The following NBEA variants were observed in gnomAD, a reference collection of about 807,000 sequenced individuals.
NBEA encodes the protein lysosomal-trafficking regulator 2.
A neutral mutation model predicts 343.4 loss-of-function variants in NBEA; 44 were observed. The observed-to-expected ratio is 0.13, with a 90% confidence interval of 0.10 to 0.16. NBEA has a LOEUF of 0.16. Ranked by LOEUF, NBEA falls within the 10% of genes least tolerant of loss-of-function variation. The probability of loss-of-function intolerance (pLI) is 1.00; values close to 1 mark genes in which losing one functional copy is unlikely to be tolerated. For missense variants in NBEA, 2,555 were observed against 3,631.3 expected, an observed-to-expected ratio of 0.70 and a Z score of 7.62; for synonymous variants, 1,175 against 1,238.7, an observed-to-expected ratio of 0.95 and a Z score of 1.08.
chr13:35,320,489 T>C (rs1053563494), intron 36 of NBEA, among the ~76,000 whole-genome samples: 1 of 152,244 alleles, frequency 6.6e-6, no homozygotes, highest in African/African-American at 2.4e-5. Context: ...GGGGTTCCCC[T>C]TGGGGTAACC....
chr13:35,023,680 A>G (rs749841875), intron 1 of NBEA, among the ~76,000 whole-genome samples: 6 of 152,194 alleles, frequency 3.9e-5, no homozygotes, highest in Non-Finnish European at 8.8e-5. Context: ...GTGAGTAAAA[A>G]CAAGGAAATA....
intron 35 of NBEA, among the ~76,000 whole-genome samples, chr13:35,299,666 C>T (rs866556056): frequency 8.5e-5 from 13 of 152,112 alleles, no homozygotes; most frequent in Middle Eastern, 3.4e-3. Context: ...AAGTATTGTC[C>T]CCATGAAAAT....
chr13:35,245,514 A>C (rs1030712261), intron 34 of NBEA, among the ~76,000 whole-genome samples: 19 of 152,272 alleles, frequency 1.2e-4, no homozygotes, highest in African/African-American at 4.3e-4. Flanking sequence ...TGTTTGTCTG[A>C]AAAAGAGTGT....
intron 45 of NBEA, among the ~76,000 whole-genome samples, chr13:35,573,034 T>A (rs764048017): frequency 2.0e-5 from 3 of 152,162 alleles, no homozygotes; most frequent in Non-Finnish European, 4.4e-5. Context: ...TATAATTATA[T>A]ACCATCTGCC....
At chr13:35,668,250 G>A (rs2085448663) in intron 57 of NBEA, 118 bp from the exon 58 acceptor site, 2 of 939,890 alleles carry the variant, frequency 2.1e-6, no homozygotes, top group Non-Finnish European at 1.6e-6. Flanking sequence ...TAAGGGAACT[G>A]TACTGAGTAC....
At chr13:35,193,208 A>G (rs994613828) in intron 30 of NBEA, among the ~76,000 whole-genome samples, 5 of 151,946 alleles carry the variant, frequency 3.3e-5, no homozygotes, top group Non-Finnish European at 5.9e-5. Flanking sequence ...ATACAAATGT[A>G]TGTTAAAATA....
intron 27 of NBEA, among the ~76,000 whole-genome samples, chr13:35,175,928 TA>T (rs775752930): frequency 7.8e-4 from 119 of 152,210 alleles, no homozygotes; most frequent in African/African-American, 2.6e-3. Flanking sequence ...CAAATTAGAT[TA>T]GGGGTAGAGA....
intron 44 of NBEA, among the ~76,000 whole-genome samples, chr13:35,564,863 T>A (rs188109911): frequency 6.6e-6 from 1 of 152,366 alleles, no homozygotes; most frequent in Admixed American, 6.5e-5. Flanking sequence ...GACTTATATT[T>A]GTTCATCTTC....
intron 41 of NBEA, among the ~76,000 whole-genome samples, chr13:35,488,441 C>G (rs117439139): frequency 1.3e-5 from 2 of 151,762 alleles, no homozygotes; most frequent in Admixed American, 1.3e-4. Flanking sequence ...AAAGTATATA[C>G]TTTATGTATT....
At chr13:34,951,772 C>G (rs978853002) in intron 1 of NBEA, among the ~76,000 whole-genome samples, 2 of 152,180 alleles carry the variant, frequency 1.3e-5, no homozygotes, top group African/African-American at 4.8e-5. Context: ...CTGACTTTCA[C>G]ATGTTGATGT....
chr13:35,370,968 G>A (rs1289759753), intron 38 of NBEA, among the ~76,000 whole-genome samples: 2 of 151,918 alleles, frequency 1.3e-5, no homozygotes. Flanking sequence ...TGTTCATGCT[G>A]AGAAATCCCT....
intron 36 of NBEA, among the ~76,000 whole-genome samples, chr13:35,348,558 A>C (rs2040007729): frequency 6.6e-6 from 1 of 152,102 alleles, no homozygotes; most frequent in Admixed American, 6.6e-5. Flanking sequence ...TCCATATTAG[A>C]ATTTGGAATC....
At chr13:34,998,018 C>G (rs1449963208) in intron 1 of NBEA, among the ~76,000 whole-genome samples, 1 of 152,032 alleles carries the variant, frequency 6.6e-6, no homozygotes, top group Non-Finnish European at 1.5e-5. Context: ...GCAAAATTCA[C>G]CCCCGATATT....
intron 1 of NBEA, among the ~76,000 whole-genome samples, chr13:35,010,769 T>TATATATATACACATATAC (rs2061469955): frequency 6.8e-5 from 7 of 102,596 alleles, no homozygotes; most frequent in African/African-American, 2.4e-4. Flanking sequence ...TATATATATA[T>TATATATATACACATATAC]ATATATATAT....
chr13:35,097,798 C>T (rs1191269669), intron 10 of NBEA, among the ~76,000 whole-genome samples: 2 of 151,534 alleles, frequency 1.3e-5, no homozygotes, highest in Non-Finnish European at 3.0e-5. Flanking sequence ...TTACATATTT[C>T]TCTGGATTTT....
intron 45 of NBEA, among the ~76,000 whole-genome samples, chr13:35,567,387 A>G (rs549107603): frequency 2.0e-5 from 3 of 152,348 alleles, no homozygotes; most frequent in African/African-American, 7.2e-5. Context: ...TAAAATACAC[A>G]CATTGTAGGG....
chr13:35,379,095 T>A (rs1373207637), intron 38 of NBEA, among the ~76,000 whole-genome samples: 1 of 152,082 alleles, frequency 6.6e-6, no homozygotes, highest in Non-Finnish European at 1.5e-5. Context: ...TTTTTTTTTT[T>A]ATGAATAGAG....
At chr13:35,148,402 C>T (rs1188832421) in intron 18 of NBEA, among the ~76,000 whole-genome samples, 6 of 152,114 alleles carry the variant, frequency 3.9e-5, no homozygotes, top group African/African-American at 1.2e-4. Context: ...TCTTAAAATA[C>T]TATCTGATCT....
chr13:35,646,978 A>G (rs2084268743), intron 51 of NBEA, among the ~76,000 whole-genome samples: 1 of 152,226 alleles, frequency 6.6e-6, no homozygotes, highest in East Asian at 1.9e-4. Flanking sequence ...TCAATACTGT[A>G]TAGCACTTAG....
Sources: gnomAD v4.1 joint callset for allele counts (sites outside exome capture counted in the v4.1 genomes callset) on GRCh38, gnomAD v4.1.1 for gene constraint, MANE v1.5 for transcripts, NCBI Gene and HGNC (gene_info 2026-07-23, HGNC 2026-07-21) for gene names.